PIEZO2: variants seen among roughly 807,000 people sequenced by gnomAD.
The protein encoded by PIEZO2 is piezo-type mechanosensitive ion channel component 2.
PIEZO2 carries 172 observed loss-of-function variants against 337.3 expected under a neutral mutation model. The observed-to-expected ratio is 0.51, with a 90% confidence interval of 0.45 to 0.58. The LOEUF is 0.58. PIEZO2 is among the 20% of genes least tolerant of loss of function. The pLI, the probability that PIEZO2 is intolerant of heterozygous loss-of-function variation, is 0.00. For missense variants in PIEZO2, 3,028 were observed against 3,391.3 expected, an observed-to-expected ratio of 0.89 and a Z score of 2.66; for synonymous variants, 1,251 against 1,228.5, an observed-to-expected ratio of 1.02 and a Z score of -0.38.
chr18:10,868,609 G>C (rs2042064152), intron 5 of PIEZO2, among the ~76,000 whole-genome samples: 1 of 152,114 alleles, frequency 6.6e-6, no homozygotes, highest in African/African-American at 2.4e-5. Flanking sequence ...AATAAATAAT[G>C]TTTAGAGTAT....
chr18:10,978,697 C>A lies in PIEZO2; in HGVS notation c.286+838G>T, dbSNP rs111907380. On this transcript the variant is annotated intron_variant, in intron 3 of 55. Transcript: ENST00000674853. ...AAAAGCAAGTTTGCTTGTACTTGTG[C>A]TTCTGAAAGGCCAGGAAATTTCAAA... is the stretch of plus-strand genomic sequence containing the variant. Among the ~76,000 whole-genome samples the A allele has an allele frequency of 1.1e-3, 163 of 152,268 alleles. 1 individual carries two copies. Among genetic ancestry groups the A allele is most frequent in the African/African-American group, 3.7e-3 (152 of 41,564 alleles).
Position 10,731,536 on chromosome 18 carries a change from T to A in PIEZO2, c.4915-15A>T. On this transcript the variant is annotated splice_polypyrimidine_tract_variant and intron_variant, in intron 35 of 55. Coordinates refer to ENST00000674853, the MANE Select transcript of PIEZO2 (RefSeq NM_001378183.1). Reference sequence around the variant, plus strand: ...TGATAAACAAACTGAAGGGAGAAAGTTCAATTATTTTCTGGCCTTTTAATA... The same window carrying A: ...TGATAAACAAACTGAAGGGAGAAAGATCAATTATTTTCTGGCCTTTTAATA... 3 of 1,463,578 alleles carry A rather than the reference T, an allele frequency of 2.0e-6. No individual in the cohort carries two copies. The highest frequency in any genetic ancestry group is 2.7e-6 in the Non-Finnish European group (3 of 1,098,866). 90.7% of individuals were successfully genotyped at this position (1,463,578 alleles called of 1,614,324 possible). A position where few individuals can be genotyped will look rare whatever the true frequency, so the allele number is the denominator to read the frequency against.
In PIEZO2 at chr18:10,969,572, A is replaced by C. The variant is rs9948713; in HGVS notation, c.286+9963T>G. On this transcript the variant is annotated intron_variant, in intron 3 of 55. Transcript: ENST00000674853. The surrounding 1 kb of genome is among the most constrained non-coding windows in gnomAD (Gnocchi z 4.5). Reference sequence around the variant, plus strand: ...TTCTGTCTTAATTTTCCCAAATCCAAATGGAAATCCAAATTTTTTTTTGCG... The same window carrying C: ...TTCTGTCTTAATTTTCCCAAATCCACATGGAAATCCAAATTTTTTTTTGCG... 0.015 allele frequency among the ~76,000 whole-genome samples: 2,230 copies of C among 152,274 alleles called. 58 individuals carry two copies. The highest frequency in any genetic ancestry group is 0.048 in the African/African-American group (1,992 of 41,544).
chr18:10,794,089 T>G lies in PIEZO2; in HGVS notation c.1758+683A>C, dbSNP rs1411953747. 6.6e-6 allele frequency among the ~76,000 whole-genome samples: 1 copy of G among 152,202 alleles called. No individual in the cohort carries two copies. Among genetic ancestry groups the G allele is most frequent in the East Asian group, 1.9e-4 (1 of 5,198 alleles). On this transcript the variant is annotated intron_variant, in intron 13 of 55. Coordinates refer to ENST00000674853, the MANE Select transcript of PIEZO2 (RefSeq NM_001378183.1). The surrounding 1 kb of genome is among the most constrained non-coding windows in gnomAD (Gnocchi z 6.6). ...CCCATTCAATATAAACACGTTTATT[T>G]TTACTGTCTTAAAACTAAATTATTA...
intron 51 of PIEZO2, 138 bp downstream of exon 51, chr18:10,681,523 A>T (rs2034263785): frequency 1.6e-6 from 1 of 630,190 alleles, no homozygotes; most frequent in African/African-American, 1.8e-5. Flanking sequence ...GTGGCCAGGA[A>T]TGTGCTCTAT....
At position 11,102,461 on chromosome 18, in the gene PIEZO2, G is replaced by C. The variant is rs2039448174; in HGVS notation, c.65-36239C>G. Among the ~76,000 whole-genome samples the C allele has an allele frequency of 6.6e-6, 1 of 152,228 alleles. No homozygotes were observed. The highest frequency in any genetic ancestry group is 1.5e-5 in the Non-Finnish European group (1 of 68,034). On this transcript the variant is annotated intron_variant, in intron 1 of 55. Transcript: ENST00000674853. The surrounding 1 kb of genome is among the most constrained non-coding windows in gnomAD (Gnocchi z 5.7). ...TCTCACCCTGTCCCCCACCAGGCTG[G>C]TGCAGTGGCAGGTGGCCAGCCTTTA...
chr18:11,062,319 T>C (rs1290138280), intron 2 of PIEZO2, among the ~76,000 whole-genome samples: 1 of 152,112 alleles, frequency 6.6e-6, no homozygotes, highest in African/African-American at 2.4e-5. Flanking sequence ...GAAGAAAACC[T>C]AGGCAATACC....
chr18:10,797,720 TGTGATAATTG>T, intron 11 of PIEZO2, among the ~76,000 whole-genome samples, 198 bp from the exon 12 acceptor site: 1 of 152,198 alleles, frequency 6.6e-6, no homozygotes, highest in Non-Finnish European at 1.5e-5. Context: ...GGATCTAGCA[TGTGATAATTG>T]AGAAAGGAAA....
intron 2 of PIEZO2, among the ~76,000 whole-genome samples, chr18:11,041,995 C>T (rs1467316300): frequency 6.6e-6 from 1 of 152,170 alleles, no homozygotes; most frequent in African/African-American, 2.4e-5. Context: ...GGTTGGCTAG[C>T]GTCTTCTATC....
rs2037530189 is a variant in PIEZO2 at position 10,748,843 on chromosome 18, T to C, written c.4265-213A>G. Among the ~76,000 whole-genome samples the C allele has an allele frequency of 6.6e-6, 1 of 152,166 alleles. No homozygotes were observed. The highest frequency in any genetic ancestry group is 1.5e-5 in the Non-Finnish European group (1 of 68,026). On this transcript the variant is annotated intron_variant, in intron 29 of 55. Coordinates refer to ENST00000674853, the MANE Select transcript of PIEZO2 (RefSeq NM_001378183.1). The surrounding 1 kb of genome is among the most constrained non-coding windows in gnomAD (Gnocchi z 5.1). ...TCATAAGGCTGACCATGCATTGAAC[T>C]CTTCACACTACAAGGCTCAGGAGGG... is the stretch of plus-strand genomic sequence containing the variant.
intron 4 of PIEZO2, among the ~76,000 whole-genome samples, chr18:10,906,950 C>T (rs1031914876): frequency 3.9e-5 from 6 of 152,142 alleles, no homozygotes; most frequent in African/African-American, 1.2e-4. Context: ...TGACAAACGG[C>T]ACTCCCAGAG....
intron 55 of PIEZO2, 138 bp from the exon 56 acceptor site, chr18:10,671,917 C>A: frequency 2.5e-6 from 2 of 795,470 alleles, no homozygotes; most frequent in Non-Finnish European, 3.6e-6. Context: ...ACATTTTTTC[C>A]CTTTGGTTAA....
At chr18:10,965,468 C>A (rs1289392683) in intron 3 of PIEZO2, among the ~76,000 whole-genome samples, 1 of 152,138 alleles carries the variant, frequency 6.6e-6, no homozygotes, top group Non-Finnish European at 1.5e-5. Context: ...GTAAGGATTT[C>A]TCAGGCTCAA....
chr18:10,671,487 T>A lies in PIEZO2; in HGVS notation c.*40A>T. 2.5e-6 allele frequency: 4 copies of A among 1,568,658 alleles called. No homozygotes were observed. The highest frequency in any genetic ancestry group is 2.6e-6 in the Non-Finnish European group (3 of 1,157,902). The stretch of plus-strand genomic sequence containing the variant: ...GAGAATATTGTGCTTTTAAAAAAAA[T>A]TCAAATGTTAACATTATTTGCAGTC... On this transcript the variant is annotated 3_prime_UTR_variant, in exon 56 of 56. Coordinates refer to ENST00000674853, the MANE Select transcript of PIEZO2 (RefSeq NM_001378183.1).
At position 10,877,793 on chromosome 18, in the gene PIEZO2, G is replaced by A. The variant is rs1380039622; in HGVS notation, c.330-6378C>T. ...TAAAGCTGATCATGTCAACCCCACG[G>A]CCCCCAGGAAACATCCACATTCCTA... is the stretch of plus-strand genomic sequence containing the variant. On this transcript the variant is annotated intron_variant, in intron 4 of 55. Transcript: ENST00000674853. This position sits in a 1 kb window ranked among gnomAD's most constrained non-coding sequence, Gnocchi z 5.3. Among the ~76,000 whole-genome samples, 3 of 151,972 alleles carry A rather than the reference G, an allele frequency of 2.0e-5. 1 individual carries two copies. The highest frequency in any genetic ancestry group is 4.4e-5 in the Non-Finnish European group (3 of 67,996).
Position 10,677,839 on chromosome 18 carries a change from TG to T in PIEZO2, c.7988del (p.Thr2663LysfsTer19). The T allele has an allele frequency of 6.2e-7, 1 of 1,604,264 alleles. No homozygotes were observed. The highest frequency in any genetic ancestry group is 2.2e-5 in the East Asian group (1 of 44,814). ...LSLGAKSEIA[T>X]DKLSFPLKNI... ...TTTTAAGAGGAAAAGAAAGCTTATCTGTTGCTATTTCCGATTTTGCACCCAG... is the reference window on the plus strand; with the variant it reads ...TTTTAAGAGGAAAAGAAAGCTTATCTTTGCTATTTCCGATTTTGCACCCAG... On this transcript the variant is annotated frameshift_variant, in exon 53 of 56. Transcript: ENST00000674853. LOFTEE classifies it high-confidence loss of function. The surrounding 1 kb of genome is among the most constrained non-coding windows in gnomAD (Gnocchi z 4.1).
chr18:10,798,224 A>G (rs560011046), intron 11 of PIEZO2, among the ~76,000 whole-genome samples: 2 of 152,346 alleles, frequency 1.3e-5, no homozygotes, highest in South Asian at 2.1e-4. Flanking sequence ...TGGTCCAGAG[A>G]AAGTGTGTCA....
intron 3 of PIEZO2, among the ~76,000 whole-genome samples, chr18:10,918,437 T>C (rs1178156817): frequency 6.6e-6 from 1 of 152,096 alleles, no homozygotes; most frequent in East Asian, 1.9e-4. Flanking sequence ...GTTGTTTATA[T>C]TTGGCTTTTT....
rs151130944 is a variant in PIEZO2 at position 10,686,209 on chromosome 18, C to T, written c.7497+3446G>A. On this transcript the variant is annotated intron_variant, in intron 49 of 55. Coordinates refer to ENST00000674853, the MANE Select transcript of PIEZO2 (RefSeq NM_001378183.1). Reference sequence around the variant, plus strand: ...CAGTTGGGTGTCAGCACCCATCCTACCTTTGAAACTCATTGTGCAAAGATC... The same window carrying T: ...CAGTTGGGTGTCAGCACCCATCCTATCTTTGAAACTCATTGTGCAAAGATC... 1.8e-3 allele frequency among the ~76,000 whole-genome samples: 280 copies of T among 152,296 alleles called. 1 individual carries two copies. The highest frequency in any genetic ancestry group is 6.4e-3 in the African/African-American group (267 of 41,566).
Sources: gnomAD v4.1 joint callset for allele counts (sites outside exome capture counted in the v4.1 genomes callset) on GRCh38, gnomAD v4.1.1 for gene constraint, Gnocchi (gnomAD v3.1) non-coding constraint, MANE v1.5 for transcripts, NCBI Gene and HGNC (gene_info 2026-07-23, HGNC 2026-07-21) for gene names.